Variants in INKA2 observed in about 807,000 individuals in gnomAD.
INKA2 encodes the protein PAK4-inhibitor INKA2.
A neutral mutation model predicts 9.8 loss-of-function variants in INKA2; 3 were observed. That is an observed-to-expected ratio of 0.31 (90% CI 0.14 to 0.79). The LOEUF is 0.79. Among genes scored for constraint, INKA2 ranks in the 30% least tolerant of loss-of-function variants. INKA2 has a pLI of 0.62. For missense variants in INKA2, 392 were observed against 384.4 expected, an observed-to-expected ratio of 1.02 and a Z score of -0.17; for synonymous variants, 147 against 143.3, an observed-to-expected ratio of 1.03 and a Z score of -0.18.
intron 1 of INKA2, chr1:111,744,415 C>T (rs895005510): frequency 2.6e-5 from 4 of 152,136 alleles, no homozygotes; most frequent in African/African-American, 7.2e-5. Flanking sequence ...TGTATGGTGA[C>T]GGAATGTGGT....
chr1:111,736,237 T>C (rs1470502973), intron 1 of INKA2, among the ~76,000 whole-genome samples: 2 of 152,194 alleles, frequency 1.3e-5, no homozygotes, highest in Admixed American at 6.5e-5. Flanking sequence ...CATTTCATCC[T>C]TGAAACCCGA....
At chr1:111,733,796 C>T (rs1305332528) in intron 1 of INKA2, among the ~76,000 whole-genome samples, 1 of 152,112 alleles carries the variant, frequency 6.6e-6, no homozygotes, top group Non-Finnish European at 1.5e-5. Context: ...GGCTCCCTTC[C>T]CAAACCCTCC....
In INKA2 at chr1:111,752,694, C is replaced by CT. The variant is rs907281928; in HGVS notation, n.124+3006dup. On this transcript the variant is annotated intron_variant and non_coding_transcript_variant, in intron 1 of 1. Transcript: ENST00000444059. ...CCTTCCTTTATACTGTTTTCTTTTT[C>CT]TTTTTTTTTTTTCTTTTGAGACGGA... is the stretch of plus-strand genomic sequence containing the variant. 3.9e-3 allele frequency among the ~76,000 whole-genome samples: 571 copies of CT among 146,500 alleles called. 4 individuals are homozygous for CT. Among genetic ancestry groups the CT allele is most frequent in the African/African-American group, 9.7e-3 (392 of 40,268 alleles).
chr1:111,730,249 A>C (rs914690760), intron 1 of INKA2, among the ~76,000 whole-genome samples: 4 of 152,098 alleles, frequency 2.6e-5, no homozygotes, highest in Admixed American at 6.5e-5. Context: ...TCCCTTGCAA[A>C]CTGCTTCTCC....
chr1:111,725,564 G>C lies in INKA2; in HGVS notation c.*1404C>G, dbSNP rs1662749866. 6.6e-6 allele frequency: 1 copy of C among 152,300 alleles called. No individual in the cohort carries two copies. The highest frequency in any genetic ancestry group is 6.5e-5 in the Admixed American group (1 of 15,284). 9.4% of individuals were successfully genotyped at this position (152,300 alleles called of 1,614,324 possible). A position where few individuals can be genotyped will look rare whatever the true frequency, so the allele number is the denominator to read the frequency against. ...AGGGAACAGGAGGCCTGGGACTGCT[G>C]TGTCTAGTGGGGAGAAGGCCACGGA... On this transcript the variant is annotated 3_prime_UTR_variant, in exon 2 of 2. Transcript: ENST00000357260.
upstream of INKA2, among the ~76,000 whole-genome samples, chr1:111,740,743 C>G (rs905727742): frequency 2.6e-5 from 4 of 152,008 alleles, no homozygotes; most frequent in Non-Finnish European, 4.4e-5. Flanking sequence ...GAGGCCGAGA[C>G]GGGTGGATCA....
upstream of INKA2, among the ~76,000 whole-genome samples, chr1:111,741,872 C>A (rs1021652678): frequency 6.6e-6 from 1 of 152,114 alleles, no homozygotes; most frequent in Non-Finnish European, 1.5e-5. Context: ...CATGCCATCA[C>A]GCCTGGCTAA....
At chr1:111,731,356 CTT>C (rs377735498) in intron 1 of INKA2, among the ~76,000 whole-genome samples, 2 of 145,176 alleles carry the variant, frequency 1.4e-5, no homozygotes, top group African/African-American at 2.5e-5. Flanking sequence ...TTTCTCCATG[CTT>C]TTTTTTTTTT....
chr1:111,738,187 CA>C (rs1163505533), intron 1 of INKA2, among the ~76,000 whole-genome samples: 2 of 152,128 alleles, frequency 1.3e-5, no homozygotes, highest in East Asian at 3.8e-4. Context: ...GGCAAAGACA[CA>C]ACAGAGAGCC....
At chr1:111,740,037 C>T (rs1663108501), upstream of INKA2, 1 of 152,294 alleles carries the variant, frequency 6.6e-6, no homozygotes, top group Non-Finnish European at 1.5e-5. Flanking sequence ...TCCCTGCTCT[C>T]AAGAACTTAC....
At chr1:111,748,999 C>T (rs1326078771) in intron 1 of INKA2, among the ~76,000 whole-genome samples, 2 of 152,224 alleles carry the variant, frequency 1.3e-5, no homozygotes, top group Non-Finnish European at 2.9e-5. Flanking sequence ...CTTACATGGC[C>T]TTGTTTAAGG....
At chr1:111,739,447 G>A, upstream of INKA2, 1 of 1,432,052 alleles carries the variant, frequency 7.0e-7, no homozygotes, top group South Asian at 1.5e-5. Flanking sequence ...GGAGGGAAAA[G>A]TGGGACAGCC....
chr1:111,734,852 T>C (rs1662980433), intron 1 of INKA2, among the ~76,000 whole-genome samples: 1 of 152,214 alleles, frequency 6.6e-6, no homozygotes, highest in South Asian at 2.1e-4. Context: ...TACTTCCCTC[T>C]CTCAGAGCAC....
chr1:111,742,869 A>G (rs1183268360), upstream of INKA2, among the ~76,000 whole-genome samples: 2 of 152,224 alleles, frequency 1.3e-5, no homozygotes, highest in Admixed American at 6.5e-5. Context: ...GTGCTGGGCC[A>G]TTGCAACTTA....
At chr1:111,732,114 G>A (rs927898715) in intron 1 of INKA2, among the ~76,000 whole-genome samples, 3 of 152,198 alleles carry the variant, frequency 2.0e-5, no homozygotes, top group Non-Finnish European at 4.4e-5. Context: ...GGGCAGGAGC[G>A]TTAGCTGGTT....
rs948036512 is a variant in INKA2, at chr1:111,727,095, C to T, written c.767G>A (p.Gly256Asp). 2 of 1,614,222 alleles carry T rather than the reference C, an allele frequency of 1.2e-6. No individual in the cohort carries two copies. Among genetic ancestry groups the T allele is most frequent in the Middle Eastern group, 1.7e-4 (1 of 6,038 alleles). ...QKVKKRSLSKGSGHFPFPGTG... is the reference protein window; with the variant it reads ...QKVKKRSLSKDSGHFPFPGTG... ...GCCTGGGAAGGGGAAATGTCCAGAG[C>T]CCTTGGAAAGGCTCCGCTTCTTGAC... is the stretch of plus-strand genomic sequence containing the variant. Residue 256 changes from glycine to aspartate, a missense_variant, in exon 2 of 2, where the codon GGC (glycine) becomes GAC (aspartate). Physicochemically the swap from Gly to Asp is moderately conservative, Grantham distance 94 (BLOSUM62 -1). Transcript: ENST00000357260.
rs934421012 is a variant in INKA2 at position 111,726,282 on chromosome 1, T to C, written c.*686A>G. 4.4e-5 allele frequency: 17 copies of C among 385,374 alleles called. No homozygotes were observed. Among genetic ancestry groups the C allele is most frequent in the Middle Eastern group, 1.3e-3 (2 of 1,534 alleles). 23.9% of individuals were successfully genotyped at this position (385,374 alleles called of 1,614,324 possible). A position where few individuals can be genotyped will look rare whatever the true frequency, so the allele number is the denominator to read the frequency against. On this transcript the variant is annotated 3_prime_UTR_variant, in exon 2 of 2. Coordinates refer to ENST00000357260, the MANE Select transcript of INKA2 (RefSeq NM_019099.5). Reference sequence around the variant, plus strand: ...GTGCTATGTCAACATCCTTCCCCTGTGCATGGGGGAGACGCGGGGAGTGTC... The same window carrying C: ...GTGCTATGTCAACATCCTTCCCCTGCGCATGGGGGAGACGCGGGGAGTGTC...
chr1:111,745,293 A>ATATATATATTTTTT (rs1358304932), intron 1 of INKA2: 2 of 49,270 alleles, frequency 4.1e-5, no homozygotes, highest in Non-Finnish European at 7.4e-5. Context: ...ATATATATAT[A>ATATATATATTTTTT]TTTTTTTTTT....
rs373131514 is a variant in INKA2 at position 111,727,763 on chromosome 1, C to G, written c.99G>C (p.Met33Ile). ...KEVGDGLQDQ[M>I]NCMMGALQEL... ...CTTGCAGTGCACCCATCATGCAGTT[C>G]ATCTGATCCTGTAAGCCATCACCCA... The change falls in exon 2 of 2, where the codon ATG becomes ATC. Residue 33 changes from methionine (M) to isoleucine (I), a missense_variant. Met to Ile is a conservative substitution (Grantham distance 10). Transcript: ENST00000357260. 15 of 1,611,388 alleles carry G rather than the reference C, an allele frequency of 9.3e-6. No individual in the cohort carries two copies. Among genetic ancestry groups the G allele is most frequent in the Non-Finnish European group, 1.3e-5 (15 of 1,180,028 alleles).
Sources: gnomAD v4.1 joint callset for allele counts (sites outside exome capture counted in the v4.1 genomes callset) on GRCh38, gnomAD v4.1.1 for gene constraint, MANE v1.5 for transcripts, NCBI Gene and HGNC (gene_info 2026-07-23, HGNC 2026-07-21) for gene names.